SEM1: variants seen among roughly 807,000 people sequenced by gnomAD.
SEM1 encodes the protein 26S proteasome complex subunit SEM1.
Under a neutral mutation model 12.7 loss-of-function variants are expected in SEM1, and 3 were observed. The observed-to-expected ratio is 0.24, with a 90% confidence interval of 0.11 to 0.61. The LOEUF (loss-of-function observed/expected upper bound fraction) is 0.61. SEM1 is among the 20% of genes least tolerant of loss of function. The pLI is 0.88. For missense variants in SEM1, 59 were observed against 81.3 expected (o/e 0.73, Z 1.06); for synonymous variants, 30 against 27.8 (o/e 1.08, Z -0.25).
chr7:96,653,613 C>G (rs1676965011), intron 2 of SEM1: 1 of 152,184 alleles, frequency 6.6e-6, no homozygotes. Flanking sequence ...ACAACCTGTA[C>G]AGATTAAGTT....
At chr7:96,661,246 G>T (rs1788991832) in intron 2 of SEM1, among the ~76,000 whole-genome samples, 1 of 152,154 alleles carries the variant, frequency 6.6e-6, no homozygotes, top group South Asian at 2.1e-4. Flanking sequence ...AGACATGAAA[G>T]ATCTCTGGGA....
rs182881931 is a variant in SEM1, at chr7:96,689,865, T to G, written c.171-899A>C. 3.3e-3 allele frequency among the ~76,000 whole-genome samples: 499 copies of G among 152,304 alleles called. 2 individuals carry two copies. Among genetic ancestry groups the G allele is most frequent in the Non-Finnish European group, 5.3e-3 (362 of 68,026 alleles). Reference sequence around the variant, plus strand: ...CAGTGCAAGACTCTGACTCTGGCCCTTCCTTTGCTAACTAATTTGCTTCCT... The same window carrying G: ...CAGTGCAAGACTCTGACTCTGGCCCGTCCTTTGCTAACTAATTTGCTTCCT... On this transcript the variant is annotated intron_variant, in intron 2 of 2. Coordinates refer to ENST00000248566, the MANE Select transcript of SEM1 (RefSeq NM_006304.2).
intron 2 of SEM1, among the ~76,000 whole-genome samples, chr7:96,690,549 C>G (rs1331209275): frequency 6.6e-6 from 1 of 152,058 alleles, no homozygotes; most frequent in Non-Finnish European, 1.5e-5. Flanking sequence ...GAAAAATCAA[C>G]AAAGACAAAA....
intron 2 of SEM1, among the ~76,000 whole-genome samples, chr7:96,682,176 G>A (rs747138656): frequency 1.4e-4 from 21 of 151,588 alleles, no homozygotes; most frequent in Non-Finnish European, 1.0e-4. Flanking sequence ...TCATGATTTC[G>A]CTCTCTTTTT....
chr7:96,676,382 C>T (rs1272420831), intron 2 of SEM1, among the ~76,000 whole-genome samples: 2 of 152,142 alleles, frequency 1.3e-5, no homozygotes, highest in African/African-American at 4.8e-5. Context: ...AGGAATGTTC[C>T]TGCAACAATT....
downstream of SEM1, chr7:96,688,664 C>T: frequency 4.0e-6 from 1 of 250,916 alleles, no homozygotes; most frequent in Non-Finnish European, 7.4e-6. Context: ...AAGAAAATTT[C>T]ATAATATGAA....
At position 96,486,381 on chromosome 7, in the gene SEM1, C is replaced by T. The variant is rs1802768924; in HGVS notation, c.49G>A (p.Gly17Arg). 3 of 1,536,996 alleles carry T rather than the reference C, an allele frequency of 2.0e-6. No individual in the cohort carries two copies. In the East Asian group the frequency reaches 7.3e-5, roughly 38 times the overall value. The stretch of plus-strand genomic sequence containing the variant: ...ATGCCATGCTTTCTTCCCACTTTTC[C>T]TCCTTGTACAGCAAACACAGCACAA... The change falls in exon 2 of 4, where the codon GGA (glycine) becomes AGA (arginine). Residue 17 changes from glycine (G) to arginine (R), a missense_variant. Coordinates refer to the SEM1 transcript ENST00000356686.
chr7:96,696,464 A>T (rs937335759), intron 1 of SEM1: 3 of 151,942 alleles, frequency 2.0e-5, no homozygotes, highest in African/African-American at 7.2e-5. Flanking sequence ...CATTATCTTA[A>T]GCAGTAAGAA....
At chr7:96,673,978 G>T (rs1789388891) in intron 2 of SEM1, 2 of 641,412 alleles carry the variant, frequency 3.1e-6, no homozygotes, top group Non-Finnish European at 5.7e-6. Context: ...TTATGCCCCA[G>T]TCCCATCCCC....
chr7:96,546,044 T>G (rs755511465), intron 2 of SEM1, among the ~76,000 whole-genome samples: 10 of 152,144 alleles, frequency 6.6e-5, no homozygotes, highest in Non-Finnish European at 1.3e-4. Context: ...GCAGCTGCTC[T>G]GCAGGCTTCT....
At chr7:96,577,584 A>G (rs1806248245) in intron 2 of SEM1, among the ~76,000 whole-genome samples, 1 of 152,114 alleles carries the variant, frequency 6.6e-6, no homozygotes, top group East Asian at 1.9e-4. Context: ...CAAAACCACA[A>G]AGAAGCCTTT....
intron 2 of SEM1, among the ~76,000 whole-genome samples, chr7:96,563,382 A>C (rs935713492): frequency 1.3e-5 from 2 of 152,108 alleles, no homozygotes; most frequent in African/African-American, 4.8e-5. Flanking sequence ...ATAAAATAGT[A>C]ACCTAGGAAA....
At chr7:96,507,100 C>A (rs1803777973) in intron 2 of SEM1, among the ~76,000 whole-genome samples, 3 of 151,950 alleles carry the variant, frequency 2.0e-5, no homozygotes, top group Admixed American at 2.0e-4. Flanking sequence ...GTATGAAAGC[C>A]TCTGAATATA....
chr7:96,643,402 A>C (rs1467279963), intron 2 of SEM1, among the ~76,000 whole-genome samples: 4 of 151,982 alleles, frequency 2.6e-5, no homozygotes, highest in African/African-American at 4.8e-5. Context: ...CAGAACATGC[A>C]GTTTTGTTAC....
chr7:96,563,014 T>C (rs1172489753), intron 2 of SEM1, among the ~76,000 whole-genome samples: 1 of 152,154 alleles, frequency 6.6e-6, no homozygotes, highest in Non-Finnish European at 1.5e-5. Context: ...TTTGATTTAA[T>C]AGACAGCATG....
intron 1 of SEM1, among the ~76,000 whole-genome samples, chr7:96,491,516 G>A (rs140171207): frequency 3.3e-5 from 5 of 152,272 alleles, no homozygotes; most frequent in African/African-American, 4.8e-5. Flanking sequence ...GTAAAGATTC[G>A]TTAAGATAAA....
intron 3 of SEM1, among the ~76,000 whole-genome samples, chr7:96,505,248 C>A (rs1425259758): frequency 6.6e-6 from 1 of 151,880 alleles, no homozygotes; most frequent in Non-Finnish European, 1.5e-5. Flanking sequence ...ATTACAGATG[C>A]ACACCACCAC....
At chr7:96,579,591 T>A (rs1029511930) in intron 2 of SEM1, among the ~76,000 whole-genome samples, 18 of 152,210 alleles carry the variant, frequency 1.2e-4, no homozygotes, top group African/African-American at 4.1e-4. Context: ...TCCTGAATTA[T>A]GATGTCAAAA....
chr7:96,539,146 G>A (rs1804875150), intron 2 of SEM1, among the ~76,000 whole-genome samples: 1 of 151,784 alleles, frequency 6.6e-6, no homozygotes, highest in African/African-American at 2.4e-5. Context: ...AATCCTGCCA[G>A]CAACTGTATG....
Sources: allele counts gnomAD v4.1 joint callset (sites outside exome capture counted in the v4.1 genomes callset), GRCh38; gene constraint gnomAD v4.1.1; transcripts MANE v1.5; gene names NCBI Gene and HGNC (gene_info 2026-07-23, HGNC 2026-07-21).